EPHA5: variants seen among roughly 807,000 people sequenced by gnomAD.
EPHA5 encodes the protein EPH receptor A5.
A neutral mutation model predicts 105.0 loss-of-function variants in EPHA5; 60 were observed. The ratio of observed to expected loss-of-function variants is 0.57; its 90% CI spans 0.46 to 0.71. The LOEUF (loss-of-function observed/expected upper bound fraction) is 0.71, where lower values mean the gene tolerates loss of function less well. EPHA5 is among the 30% of genes least tolerant of loss of function. The pLI, the probability that EPHA5 is intolerant of heterozygous loss-of-function variation, is 0.00. For missense variants in EPHA5, 1,218 were observed against 1,274.7 expected (o/e 0.96, Z 0.68); for synonymous variants, 513 against 449.1 (o/e 1.14, Z -1.80).
intron 2 of EPHA5, among the ~76,000 whole-genome samples, chr4:65,628,531 A>C (rs1450131891): frequency 6.6e-6 from 1 of 152,128 alleles, no homozygotes; most frequent in East Asian, 1.9e-4. Flanking sequence ...TGATCATAAT[A>C]ACCTTAATCT....
chr4:65,604,584 C>T (rs995274513), intron 2 of EPHA5, among the ~76,000 whole-genome samples: 1 of 152,092 alleles, frequency 6.6e-6, no homozygotes, highest in African/African-American at 2.4e-5. Flanking sequence ...TATCTGCTGT[C>T]ATTGAGACAC....
intron 3 of EPHA5, among the ~76,000 whole-genome samples, chr4:65,596,886 C>T (rs1400779593): frequency 1.3e-5 from 2 of 152,156 alleles, no homozygotes; most frequent in African/African-American, 4.8e-5. Context: ...TAACTAGGCT[C>T]TCTAATCCAT....
At chr4:65,554,704 T>C (rs1052768400) in intron 3 of EPHA5, among the ~76,000 whole-genome samples, 1 of 151,854 alleles carries the variant, frequency 6.6e-6, no homozygotes, top group Non-Finnish European at 1.5e-5. Flanking sequence ...CATCTTTTCA[T>C]GTTAAATGTT....
Position 65,484,544 on chromosome 4 carries a change from C to T in EPHA5, c.1402+5833G>A, listed in dbSNP as rs547901970. Among the ~76,000 whole-genome samples the T allele has an allele frequency of 1.7e-4, 26 of 152,152 alleles. 1 individual carries two copies. The South Asian group carries it at 3.1e-3, about 18-fold the overall frequency. On this transcript the variant is annotated intron_variant, in intron 5 of 16. Transcript: ENST00000613740. ...GCTACCCATAGCATGTCAACATAGC[C>T]CTCTGGAAAAAGGTTCCAAGAGTCT... is the stretch of plus-strand genomic sequence containing the variant.
At chr4:65,525,918 G>A (rs1481398806) in intron 3 of EPHA5, among the ~76,000 whole-genome samples, 1 of 151,772 alleles carries the variant, frequency 6.6e-6, no homozygotes, top group East Asian at 1.9e-4. Flanking sequence ...CTCAGGCGCT[G>A]ATTATAAAGA....
At chr4:65,652,293 T>C (rs1242219399) in intron 1 of EPHA5, among the ~76,000 whole-genome samples, 1 of 152,164 alleles carries the variant, frequency 6.6e-6, no homozygotes, top group Non-Finnish European at 1.5e-5. Flanking sequence ...AGTTCTATGG[T>C]TCCAGTTCTG....
intron 3 of EPHA5, among the ~76,000 whole-genome samples, chr4:65,559,157 T>G (rs1162973652): frequency 6.6e-6 from 1 of 152,136 alleles, no homozygotes; most frequent in African/African-American, 2.4e-5. Flanking sequence ...TGGTAAATAT[T>G]TTGTGGTAAA....
chr4:65,420,400 A>AC, intron 6 of EPHA5, 41 bp downstream of exon 6: 1 of 1,523,434 alleles, frequency 6.6e-7, no homozygotes. Flanking sequence ...AAAATGAAAA[A>AC]AAAAAGAAAG....
chr4:65,352,458 G>T (rs1722904544), intron 12 of EPHA5, among the ~76,000 whole-genome samples: 1 of 151,978 alleles, frequency 6.6e-6, no homozygotes, highest in African/African-American at 2.4e-5. Flanking sequence ...AAAGTGGGTT[G>T]CCATTATTTA....
chr4:65,667,967 A>G (rs1368377662), intron 1 of EPHA5, among the ~76,000 whole-genome samples: 1 of 152,188 alleles, frequency 6.6e-6, no homozygotes, highest in Admixed American at 6.5e-5. Context: ...AATGAATTTA[A>G]CATAAGGTGT....
At chr4:65,337,227 T>C (rs1721270586) in intron 14 of EPHA5, among the ~76,000 whole-genome samples, 1 of 152,114 alleles carries the variant, frequency 6.6e-6, no homozygotes, top group African/African-American at 2.4e-5. Context: ...TTGTGAATAT[T>C]CAAAGTCCTC....
intron 5 of EPHA5, among the ~76,000 whole-genome samples, chr4:65,443,928 T>TGTGTGTGC (rs759410068): frequency 3.3e-5 from 5 of 151,550 alleles, no homozygotes; most frequent in Admixed American, 6.6e-5. Context: ...TGTGTGTGTG[T>TGTGTGTGC]GCGTGCACGT....
At chr4:65,635,885 A>G (rs1578648319) in intron 2 of EPHA5, among the ~76,000 whole-genome samples, 1 of 152,258 alleles carries the variant, frequency 6.6e-6, no homozygotes, top group East Asian at 1.9e-4. Context: ...GAATAATGAG[A>G]TTGATAGCTT....
At position 65,574,645 on chromosome 4, in the gene EPHA5, TATATATACAC is replaced by T. The variant is rs1476290181; in HGVS notation, c.910+26986_910+26995del. Among the ~76,000 whole-genome samples the T allele has an allele frequency of 4.4e-3, 551 of 124,710 alleles. 15 individuals are homozygous for T. Among genetic ancestry groups the T allele is most frequent in the African/African-American group, 0.013 (463 of 35,216 alleles). 81.8% of individuals were successfully genotyped at this position (124,710 alleles called of 152,430 possible). On this transcript the variant is annotated intron_variant, in intron 3 of 16. Transcript: ENST00000613740. ...ATATATACACATATATATATACACATATATATACACATATATATATACACATATATATACA... is the reference window on the plus strand; with the variant it reads ...ATATATACACATATATATATACACATATATATATATACACATATATATACA...
intron 1 of EPHA5, among the ~76,000 whole-genome samples, chr4:65,651,846 G>C (rs1441578844): frequency 6.6e-6 from 1 of 152,178 alleles, no homozygotes; most frequent in East Asian, 1.9e-4. Context: ...GGAGATGGCA[G>C]AAAAGAATTC....
In EPHA5 at chr4:65,425,325, C is replaced by T. The variant is rs1000890702; in HGVS notation, c.1403-4760G>A. On this transcript the variant is annotated intron_variant, in intron 5 of 16. Coordinates refer to ENST00000613740, the MANE Select transcript of EPHA5 (RefSeq NM_001281766.3). ...TGGCCAAATGAACTGTCAGTATCTG[C>T]CAGCTGGAAGCCCCCACTTCTCACT... 3.4e-4 allele frequency among the ~76,000 whole-genome samples: 51 copies of T among 152,078 alleles called. 2 individuals carry two copies.
At chr4:65,476,972 C>T (rs915025083) in intron 5 of EPHA5, among the ~76,000 whole-genome samples, 7 of 152,014 alleles carry the variant, frequency 4.6e-5, no homozygotes, top group African/African-American at 1.7e-4. Context: ...ATATTATTTA[C>T]CATCACTACC....
rs1750307366 is a variant in EPHA5, at chr4:65,669,784, A to G, written c.-42T>C. The G allele has an allele frequency of 6.5e-6, 8 of 1,237,904 alleles. No individual in the cohort carries two copies. In the Admixed American group the frequency reaches 1.3e-4, roughly 20 times the overall value. The allele number at this position is 1,237,904 out of a possible 1,614,324, so 76.7% of individuals were successfully genotyped here. On this transcript the variant is annotated 5_prime_UTR_variant, in exon 1 of 17. Coordinates refer to ENST00000613740, the MANE Select transcript of EPHA5 (RefSeq NM_001281766.3). ...CCGGTGCCGCTGTCCCGAGCGGCTC[A>G]GTCCACCGCTTCGGCCTCGCAGAGC...
At chr4:65,540,563 T>G (rs1344762885) in intron 3 of EPHA5, among the ~76,000 whole-genome samples, 1 of 151,392 alleles carries the variant, frequency 6.6e-6, no homozygotes, top group African/African-American at 2.4e-5. Flanking sequence ...AGAGAAGCAT[T>G]TTAAAAGATT....
Sources: allele counts gnomAD v4.1 joint callset (sites outside exome capture counted in the v4.1 genomes callset), GRCh38; gene constraint gnomAD v4.1.1; transcripts MANE v1.5; gene names NCBI Gene and HGNC (gene_info 2026-07-23, HGNC 2026-07-21).